Variants in ROBO1 observed in about 807,000 individuals in gnomAD.
ROBO1 encodes roundabout homolog 1.
A neutral mutation model predicts 195.9 loss-of-function variants in ROBO1; 149 were observed. The ratio of observed to expected loss-of-function variants is 0.76; its 90% CI spans 0.67 to 0.87. ROBO1 has a LOEUF of 0.87. Among genes scored for constraint, ROBO1 ranks in the 40% least tolerant of loss-of-function variants. The pLI, the probability that ROBO1 is intolerant of heterozygous loss-of-function variation, is 0.00. For synonymous variants in ROBO1, 816 were observed against 733.2 expected (o/e 1.11, Z -1.82); for missense variants, 1,933 against 2,068.3 (o/e 0.93, Z 1.27).
intron 3 of ROBO1, among the ~76,000 whole-genome samples, chr3:79,036,187 G>T (rs2078378459): frequency 6.6e-6 from 1 of 151,816 alleles, no homozygotes; most frequent in Admixed American, 6.6e-5. Flanking sequence ...AACATAAAAA[G>T]GTTAATCTTT....
intron 4 of ROBO1, among the ~76,000 whole-genome samples, chr3:78,919,954 T>C (rs2107589824): frequency 6.6e-6 from 1 of 152,334 alleles, no homozygotes; most frequent in South Asian, 2.1e-4. Context: ...CAATTACCTG[T>C]GGCAGGGTGA....
At chr3:78,735,423 T>C (rs2082371889) in intron 5 of ROBO1, among the ~76,000 whole-genome samples, 1 of 152,212 alleles carries the variant, frequency 6.6e-6, no homozygotes, top group African/African-American at 2.4e-5. Flanking sequence ...GCTTTGGACA[T>C]AACAGACCTT....
At chr3:79,337,484 A>G (rs2034727327) in intron 2 of ROBO1, among the ~76,000 whole-genome samples, 1 of 152,084 alleles carries the variant, frequency 6.6e-6, no homozygotes, top group African/African-American at 2.4e-5. Context: ...CCATGTGAAG[A>G]AGGACGTGTT....
intron 1 of ROBO1, among the ~76,000 whole-genome samples, chr3:79,619,855 T>A (rs574920686): frequency 4.6e-5 from 7 of 152,128 alleles, no homozygotes; most frequent in African/African-American, 1.7e-4. Context: ...AAGAAAAAGG[T>A]CCAAAAATTG....
intron 2 of ROBO1, among the ~76,000 whole-genome samples, chr3:79,495,930 A>T (rs887733999): frequency 6.6e-6 from 1 of 152,126 alleles, no homozygotes; most frequent in Non-Finnish European, 1.5e-5. Flanking sequence ...TGACATAGGT[A>T]GGCCAGGCAC....
At chr3:79,164,910 A>T (rs536602685) in intron 2 of ROBO1, among the ~76,000 whole-genome samples, 249 of 152,284 alleles carry the variant, frequency 1.6e-3, no homozygotes, top group Middle Eastern at 6.8e-3. Context: ...TTTCTCAAAT[A>T]TTACCTTGGC....
chr3:79,607,308 T>A (rs756339695), intron 1 of ROBO1, among the ~76,000 whole-genome samples: 2 of 151,320 alleles, frequency 1.3e-5, no homozygotes, highest in Non-Finnish European at 3.0e-5. Flanking sequence ...AATATAAATA[T>A]TATTTTTATA....
intron 2 of ROBO1, among the ~76,000 whole-genome samples, chr3:79,457,161 C>A (rs2039643127): frequency 6.6e-6 from 1 of 152,094 alleles, no homozygotes; most frequent in African/African-American, 2.4e-5. Flanking sequence ...TCAAGGCATA[C>A]AATCACAGAA....
At chr3:78,715,208 A>G (rs2081870161) in intron 7 of ROBO1, 1 of 152,162 alleles carries the variant, frequency 6.6e-6, no homozygotes, top group African/African-American at 2.4e-5. Context: ...TTGGATTTCT[A>G]ACTAATAATT....
At chr3:79,018,626 G>C (rs1238735008) in intron 3 of ROBO1, 1 of 1,448,578 alleles carries the variant, frequency 6.9e-7, no homozygotes, top group East Asian at 2.5e-5. Flanking sequence ...CTTTCCGGAC[G>C]CTTGTCAGTA....
At chr3:79,237,622 G>C (rs1308575703) in intron 2 of ROBO1, among the ~76,000 whole-genome samples, 1 of 152,178 alleles carries the variant, frequency 6.6e-6, no homozygotes, top group Non-Finnish European at 1.5e-5. Context: ...TGCAGAAATT[G>C]TTGAAAAAGC....
At chr3:79,594,000 G>T (rs1011087255) in intron 1 of ROBO1, among the ~76,000 whole-genome samples, 5 of 151,946 alleles carry the variant, frequency 3.3e-5, no homozygotes, top group Admixed American at 2.6e-4. Flanking sequence ...CTTCCAGTGT[G>T]TGGCTTGTCT....
chr3:79,018,428 CA>C, intron 3 of ROBO1: 1 of 1,613,792 alleles, frequency 6.2e-7, no homozygotes, highest in Non-Finnish European at 8.5e-7. Context: ...CATATTAATC[CA>C]AACAGGTAAA....
At chr3:78,678,497 C>T (rs1393725429) in intron 10 of ROBO1, among the ~76,000 whole-genome samples, 1 of 152,088 alleles carries the variant, frequency 6.6e-6, no homozygotes, top group Non-Finnish European at 1.5e-5. Flanking sequence ...GGGGATATCA[C>T]CACCAATCCC....
chr3:79,371,276 T>C (rs1344498635), intron 2 of ROBO1, among the ~76,000 whole-genome samples: 1 of 152,182 alleles, frequency 6.6e-6, no homozygotes, highest in African/African-American at 2.4e-5. Context: ...TCTTCCACAA[T>C]GGTTGAACTA....
At chr3:78,797,039 A>T (rs1463434079) in intron 4 of ROBO1, among the ~76,000 whole-genome samples, 1 of 152,050 alleles carries the variant, frequency 6.6e-6, no homozygotes, top group Non-Finnish European at 1.5e-5. Flanking sequence ...GCTAGCTCCT[A>T]CTTAGTCTTT....
chr3:79,767,251 C>T (rs1705047496), intron 1 of ROBO1, among the ~76,000 whole-genome samples: 1 of 152,086 alleles, frequency 6.6e-6, no homozygotes, highest in Admixed American at 6.5e-5. Flanking sequence ...TCACGAACAA[C>T]GGTGCGGTCA....
At chr3:78,610,889 A>AGC (rs1306882445) in intron 28 of ROBO1, among the ~76,000 whole-genome samples, 24 of 152,206 alleles carry the variant, frequency 1.6e-4, no homozygotes, top group Non-Finnish European at 2.5e-4. Flanking sequence ...AATATCACCA[A>AGC]GCAGGGATAT....
At chr3:78,907,011 T>A (rs887025414) in intron 4 of ROBO1, among the ~76,000 whole-genome samples, 2 of 152,146 alleles carry the variant, frequency 1.3e-5, no homozygotes, top group East Asian at 1.9e-4. Flanking sequence ...TTCAGCTTCA[T>A]AAAGACATCG....
Sources: gnomAD v4.1 joint callset for allele counts (sites outside exome capture counted in the v4.1 genomes callset) on GRCh38, gnomAD v4.1.1 for gene constraint, MANE v1.5 for transcripts, NCBI Gene and HGNC (gene_info 2026-07-23, HGNC 2026-07-21) for gene names.